Variants in METTL16 observed in about 807,000 individuals in gnomAD.
The protein encoded by METTL16 is methyltransferase 16, RNA N6-adenosine.
In METTL16, 19 loss-of-function variants were observed where a neutral mutation model predicts 57.9. That is an observed-to-expected ratio of 0.33 (90% CI 0.23 to 0.48). The LOEUF (loss-of-function observed/expected upper bound fraction) is 0.48, where lower values mean the gene tolerates loss of function less well. Among genes scored for constraint, METTL16 ranks in the 20% least tolerant of loss-of-function variants. METTL16 has a pLI of 0.99. For missense variants in METTL16, 434 were observed against 691.5 expected, an observed-to-expected ratio of 0.63 and a Z score of 4.18; for synonymous variants, 246 against 255.6, an observed-to-expected ratio of 0.96 and a Z score of 0.36.
intron 4 of METTL16, among the ~76,000 whole-genome samples, chr17:2,472,058 G>A (rs1406824239): frequency 6.6e-6 from 1 of 150,904 alleles, no homozygotes; most frequent in Non-Finnish European, 1.5e-5. Flanking sequence ...AGGTTGCAGT[G>A]AGCCAAGATC....
chr17:2,492,007 C>A (rs930934822), intron 2 of METTL16, among the ~76,000 whole-genome samples: 2 of 151,050 alleles, frequency 1.3e-5, no homozygotes, highest in East Asian at 1.9e-4. Flanking sequence ...GTCAGGAGAT[C>A]GAGACCATCC....
chr17:2,463,028 T>C (rs1683377732), intron 6 of METTL16, among the ~76,000 whole-genome samples: 1 of 152,162 alleles, frequency 6.6e-6, no homozygotes, highest in Non-Finnish European at 1.5e-5. Context: ...GTACCTTATG[T>C]TGCTTAATGA....
chr17:2,416,269 G>C lies in METTL16; in HGVS notation c.*3701C>G, dbSNP rs988022215. On this transcript the variant is annotated 3_prime_UTR_variant, in exon 10 of 10. Coordinates refer to ENST00000263092, the MANE Select transcript of METTL16 (RefSeq NM_024086.4). ...ATGCCGCGGCTTCAGCAGAAAGGAG[G>C]GGCTCCAGGAGCTGGTCGTGAAGTC... 4.6e-5 allele frequency: 7 copies of C among 152,086 alleles called. No individual in the cohort carries two copies. The highest frequency in any genetic ancestry group is 8.8e-5 in the Non-Finnish European group (6 of 68,016). 9.4% of individuals were successfully genotyped at this position (152,086 alleles called of 1,614,324 possible). A position where few individuals can be genotyped will look rare whatever the true frequency, so the allele number is the denominator to read the frequency against.
chr17:2,494,674 C>T (rs898682409), intron 2 of METTL16, among the ~76,000 whole-genome samples: 1 of 152,006 alleles, frequency 6.6e-6, no homozygotes, highest in African/African-American at 2.4e-5. Flanking sequence ...CCACTGCACT[C>T]CAGCCTGGGC....
chr17:2,435,817 C>T (rs759421279), intron 8 of METTL16, among the ~76,000 whole-genome samples: 3 of 151,668 alleles, frequency 2.0e-5, no homozygotes, highest in Non-Finnish European at 2.9e-5. Flanking sequence ...GAATCTGGGG[C>T]CCTCAGCATT....
chr17:2,430,412 CTTTTTTTTTTTT>C (rs903960118), intron 8 of METTL16, among the ~76,000 whole-genome samples: 2 of 118,496 alleles, frequency 1.7e-5, no homozygotes, highest in African/African-American at 6.7e-5. Context: ...TTAGAATTCT[CTTTTTTTTTTTT>C]TTTTTTTTTG....
At chr17:2,473,768 T>A in intron 3 of METTL16, 104 bp from the exon 4 acceptor site, 11 of 1,234,148 alleles carry the variant, frequency 8.9e-6, no homozygotes, top group African/African-American at 3.0e-5. Context: ...AGACAGGGTC[T>A]CACTCTGTCG....
intron 6 of METTL16, among the ~76,000 whole-genome samples, chr17:2,452,248 T>C (rs889491344): frequency 2.0e-5 from 3 of 151,998 alleles, no homozygotes; most frequent in African/African-American, 7.2e-5. Flanking sequence ...TGATACTTAA[T>C]AGACACTCGG....
chr17:2,430,589 T>C (rs2066866556), intron 8 of METTL16, among the ~76,000 whole-genome samples: 1 of 107,804 alleles, frequency 9.3e-6, no homozygotes, highest in Non-Finnish European at 2.1e-5. Flanking sequence ...CTAATTTTTT[T>C]GTATTTTTTT....
chr17:2,493,456 C>CGA (rs2067416819), intron 2 of METTL16, among the ~76,000 whole-genome samples: 1 of 151,764 alleles, frequency 6.6e-6, no homozygotes, highest in South Asian at 2.1e-4. Flanking sequence ...CTGTGGCTCA[C>CGA]ACCTGTAATC....
chr17:2,470,310 A>AG (rs1369244724), intron 4 of METTL16, among the ~76,000 whole-genome samples: 1 of 67,480 alleles, frequency 1.5e-5, no homozygotes, highest in Non-Finnish European at 2.6e-5. Context: ...AATGAAAAAG[A>AG]AAAAAAAAAC....
intron 6 of METTL16, among the ~76,000 whole-genome samples, chr17:2,454,884 G>T (rs2067097627): frequency 6.6e-6 from 1 of 151,644 alleles, no homozygotes; most frequent in Non-Finnish European, 1.5e-5. Flanking sequence ...ATTATAACAA[G>T]CAAGTGGAAC....
chr17:2,464,097 T>A, intron 6 of METTL16, 111 bp downstream of exon 6: 1 of 1,174,208 alleles, frequency 8.5e-7, no homozygotes, highest in South Asian at 1.6e-5. Flanking sequence ...CACTCCAGCC[T>A]GGCAACAAGA....
At chr17:2,458,722 ACACACACACT>A (rs1240448413) in intron 6 of METTL16, among the ~76,000 whole-genome samples, 3 of 152,118 alleles carry the variant, frequency 2.0e-5, no homozygotes, top group East Asian at 3.9e-4. Flanking sequence ...ACACACACAT[ACACACACACT>A]CACACACAAT....
chr17:2,431,165 T>A (rs1406384206), intron 8 of METTL16, among the ~76,000 whole-genome samples: 2 of 152,120 alleles, frequency 1.3e-5, no homozygotes, highest in African/African-American at 4.8e-5. Context: ...CAGGCTGGTC[T>A]CAAAATCCTG....
At chr17:2,438,897 A>C (rs1252390505) in intron 7 of METTL16, among the ~76,000 whole-genome samples, 1 of 152,236 alleles carries the variant, frequency 6.6e-6, no homozygotes, top group African/African-American at 2.4e-5. Context: ...GGAAAGGTAA[A>C]GGAACTAGTT....
chr17:2,434,166 T>C (rs2066894100), intron 8 of METTL16, among the ~76,000 whole-genome samples: 1 of 152,212 alleles, frequency 6.6e-6, no homozygotes, highest in Admixed American at 6.5e-5. Context: ...ATGCACAGCC[T>C]GGTACAGTAC....
chr17:2,459,060 C>A (rs2067130611), intron 6 of METTL16, among the ~76,000 whole-genome samples: 1 of 152,132 alleles, frequency 6.6e-6, no homozygotes, highest in Admixed American at 6.6e-5. Context: ...ACCAACTCAG[C>A]CTCCCAAAGT....
intron 6 of METTL16, among the ~76,000 whole-genome samples, chr17:2,463,719 C>CA (rs989816247): frequency 1.3e-5 from 2 of 151,968 alleles, no homozygotes; most frequent in African/African-American, 4.8e-5. Context: ...CTCGGCCTCC[C>CA]AAAGTGCTGG....
Sources: gnomAD v4.1 joint callset for allele counts (sites outside exome capture counted in the v4.1 genomes callset) on GRCh38, gnomAD v4.1.1 for gene constraint, MANE v1.5 for transcripts, NCBI Gene and HGNC (gene_info 2026-07-23, HGNC 2026-07-21) for gene names.